Variants in LIPI observed in about 807,000 individuals in gnomAD.
LIPI encodes the protein lipase I.
LIPI carries 59 observed loss-of-function variants against 50.6 expected under a neutral mutation model. The ratio of observed to expected loss-of-function variants is 1.16; its 90% CI spans 0.94 to 1.45. The LOEUF is 1.45. Ranked by LOEUF, LIPI falls within the 40% of genes most tolerant of loss-of-function variation. The pLI is 0.00. For synonymous variants in LIPI, 203 were observed against 178.2 expected (o/e 1.14, Z -1.11); for missense variants, 586 against 536.3 (o/e 1.09, Z -0.92).
Position 14,189,336 on chromosome 21 carries a change from T to C in LIPI, c.130A>G (p.Ile44Val), listed in dbSNP as rs772171115. 3.1e-6 allele frequency: 5 copies of C among 1,612,776 alleles called. No homozygotes were observed. The African/African-American group carries it at 4.0e-5, about 13-fold the overall frequency. ...TTGTTCCTTGTATACATCATCAGAA[T>C]GGTCTCTATTCTCGGAATAAATAAA... Reference protein sequence around the residue: ...RDLFIPRIETILMMYTRNNLN... With the variant: ...RDLFIPRIETVLMMYTRNNLN... The change falls in exon 2 of 10, where the codon ATT becomes GTT. Residue 44 changes from isoleucine to valine, a missense_variant. Ile to Val is a conservative substitution (Grantham distance 29). Coordinates refer to ENST00000681601, the MANE Select transcript of LIPI (RefSeq NM_001302998.2).
chr21:14,199,799 C>T (rs562037406), intron 1 of LIPI, among the ~76,000 whole-genome samples: 146 of 151,574 alleles, frequency 9.6e-4, no homozygotes, highest in African/African-American at 3.4e-3. Context: ...TTTAACAACA[C>T]CACAAAAAAC....
intron 9 of LIPI, among the ~76,000 whole-genome samples, chr21:14,114,525 G>T (rs1410858498): frequency 6.6e-6 from 1 of 152,172 alleles, no homozygotes. Context: ...CCCTTCTCTG[G>T]CAAGGCTTAG....
chr21:14,168,986 C>A (rs1249603407), intron 4 of LIPI, among the ~76,000 whole-genome samples: 2 of 151,298 alleles, frequency 1.3e-5, no homozygotes, highest in Admixed American at 6.6e-5. Context: ...TGCAGAGACA[C>A]ACATAGGCTC....
intron 3 of LIPI, 65 bp downstream of exon 3, chr21:14,185,896 T>A (rs1367950704): frequency 2.7e-5 from 24 of 898,698 alleles, no homozygotes; most frequent in African/African-American, 3.4e-5. Context: ...AAAAAAAAAA[T>A]TAGCAAAGTA....
chr21:14,144,604 C>A lies in LIPI; in HGVS notation c.1295+19G>T. The A allele has an allele frequency of 7.3e-7, 1 of 1,362,762 alleles. No homozygotes were observed. Among genetic ancestry groups the A allele is most frequent in the Non-Finnish European group, 1.0e-6 (1 of 960,776 alleles). The allele number at this position is 1,362,762 out of a possible 1,614,324, so 84.4% of individuals were successfully genotyped here. ...AGTTTAAAAGATAACATGTTGAAAT[C>A]AAAATTTAATTTTCTTACCTTTCTG... is the stretch of plus-strand genomic sequence containing the variant. On this transcript the variant is annotated intron_variant, in intron 9 of 9. Coordinates refer to ENST00000681601, the MANE Select transcript of LIPI (RefSeq NM_001302998.2).
chr21:14,168,877 G>A (rs1383091004), intron 4 of LIPI, among the ~76,000 whole-genome samples: 2 of 152,014 alleles, frequency 1.3e-5, no homozygotes, highest in African/African-American at 2.4e-5. Flanking sequence ...AACTTTAAAT[G>A]TAAATGGACT....
intron 4 of LIPI, among the ~76,000 whole-genome samples, chr21:14,174,794 C>T (rs1449679797): frequency 7.9e-5 from 12 of 152,252 alleles, no homozygotes; most frequent in African/African-American, 2.4e-5. Flanking sequence ...ACCTCGTGAT[C>T]CCCCGCCTCG....
chr21:14,194,728 G>A (rs185793346), intron 1 of LIPI, among the ~76,000 whole-genome samples: 4 of 152,292 alleles, frequency 2.6e-5, no homozygotes, highest in Admixed American at 2.0e-4. Flanking sequence ...AAATTCTGGC[G>A]ATGGATGATG....
intron 9 of LIPI, among the ~76,000 whole-genome samples, chr21:14,131,392 T>C (rs947047039): frequency 6.6e-5 from 10 of 152,074 alleles, no homozygotes; most frequent in African/African-American, 1.2e-4. Context: ...CCATCAAAAC[T>C]TTGCCACAAC....
intron 9 of LIPI, among the ~76,000 whole-genome samples, chr21:14,116,148 T>C (rs1278023913): frequency 6.6e-6 from 1 of 151,922 alleles, no homozygotes. Context: ...ATCTGGGACA[T>C]GAGAGAGGCT....
intron 7 of LIPI, among the ~76,000 whole-genome samples, chr21:14,156,877 G>T (rs1056515490): frequency 6.6e-6 from 1 of 151,918 alleles, no homozygotes; most frequent in South Asian, 2.1e-4. Context: ...GGCTGTTGGT[G>T]AGAAATATGG....
chr21:14,167,924 G>A (rs1042273734), intron 4 of LIPI, among the ~76,000 whole-genome samples: 14 of 152,186 alleles, frequency 9.2e-5, no homozygotes, highest in Admixed American at 5.2e-4. Flanking sequence ...TCCGAACTAC[G>A]GGAGGACATT....
At chr21:14,126,087 C>T (rs2017054354) in intron 9 of LIPI, among the ~76,000 whole-genome samples, 3 of 152,034 alleles carry the variant, frequency 2.0e-5, no homozygotes, top group Non-Finnish European at 2.9e-5. Flanking sequence ...GGAGCTCTTA[C>T]ATTTTGCTGG....
At chr21:14,151,499 T>C (rs1355046589) in intron 8 of LIPI, among the ~76,000 whole-genome samples, 1 of 152,172 alleles carries the variant, frequency 6.6e-6, no homozygotes, top group Non-Finnish European at 1.5e-5. Flanking sequence ...AGTCAAAACT[T>C]AAGCCAAATT....
At chr21:14,156,897 G>A (rs2018292424) in intron 7 of LIPI, among the ~76,000 whole-genome samples, 1 of 151,776 alleles carries the variant, frequency 6.6e-6, no homozygotes, top group Non-Finnish European at 1.5e-5. Flanking sequence ...GATGTCTAAT[G>A]GAATGAATAA....
intron 7 of LIPI, among the ~76,000 whole-genome samples, chr21:14,153,036 T>C (rs995628764): frequency 1.3e-5 from 2 of 152,176 alleles, no homozygotes; most frequent in East Asian, 3.8e-4. Context: ...ATAGCAGATC[T>C]AAGGTGAATA....
Position 14,148,443 on chromosome 21 carries a change from T to A in LIPI, c.1119-3644A>T, listed in dbSNP as rs561809219. 1.8e-4 allele frequency among the ~76,000 whole-genome samples: 28 copies of A among 152,334 alleles called. 1 individual carries two copies. In the Middle Eastern group the frequency reaches 0.027, roughly 148 times the overall value. On this transcript the variant is annotated intron_variant, in intron 8 of 9. Transcript: ENST00000681601. The stretch of plus-strand genomic sequence containing the variant: ...TATACTCATGTGCTGCACAATGATT[T>A]TTTTGTCAACAAAGGACTGAATATA...
Position 14,163,378 on chromosome 21 carries a change from A to G in LIPI, c.1006+41T>C, listed in dbSNP as rs757569070. On this transcript the variant is annotated intron_variant, in intron 7 of 9. Coordinates refer to ENST00000681601, the MANE Select transcript of LIPI (RefSeq NM_001302998.2). ...TCAAATGTAGATTAGTGCAAAAAAA[A>G]CTAAAAATTTGTTTATTTGTTAAAA... 42 of 982,870 alleles carry G rather than the reference A, an allele frequency of 4.3e-5. No individual in the cohort carries two copies. In the African/African-American group the frequency reaches 6.2e-4, roughly 15 times the overall value. The allele number at this position is 982,870 out of a possible 1,614,324, so 60.9% of individuals were successfully genotyped here.
intron 1 of LIPI, among the ~76,000 whole-genome samples, chr21:14,199,919 T>A (rs1300771586): frequency 6.6e-6 from 1 of 152,084 alleles, no homozygotes; most frequent in African/African-American, 2.4e-5. Flanking sequence ...CAAGTAGGCT[T>A]TATCCCTGAG....
Sources: gnomAD v4.1 joint callset for allele counts (sites outside exome capture counted in the v4.1 genomes callset) on GRCh38, gnomAD v4.1.1 for gene constraint, MANE v1.5 for transcripts, NCBI Gene and HGNC (gene_info 2026-07-23, HGNC 2026-07-21) for gene names.